SYNE2: variants seen among roughly 807,000 people sequenced by gnomAD.
SYNE2 encodes the protein nesprin-2.
In SYNE2, 431 loss-of-function variants were observed where a neutral mutation model predicts 856.3. The observed-to-expected ratio is 0.50, with a 90% CI of 0.47 to 0.55. The LOEUF is 0.55. SYNE2 is among the 20% of genes least tolerant of loss of function. The pLI is 0.00. For synonymous variants in SYNE2, 2,923 were observed against 2,872.3 expected, an observed-to-expected ratio of 1.02 and a Z score of -0.56; for missense variants, 8,129 against 8,023.2, an observed-to-expected ratio of 1.01 and a Z score of -0.50.
intron 71 of SYNE2, among the ~76,000 whole-genome samples, chr14:64,125,921 C>T (rs1305167621): frequency 6.6e-6 from 1 of 152,214 alleles, no homozygotes; most frequent in Non-Finnish European, 1.5e-5. Context: ...TCTTTTGTGA[C>T]TTCTTTTCCT....
chr14:63,778,964 A>T (rs1246588108), intron 1 of SYNE2, among the ~76,000 whole-genome samples: 1 of 152,026 alleles, frequency 6.6e-6, no homozygotes, highest in Non-Finnish European at 1.5e-5. Flanking sequence ...CCAGCCTATA[A>T]GCACATACAA....
intron 1 of SYNE2, among the ~76,000 whole-genome samples, chr14:63,885,045 G>C (rs1252563603): frequency 6.6e-6 from 1 of 152,102 alleles, no homozygotes; most frequent in Non-Finnish European, 1.5e-5. Context: ...AGAAAGACTC[G>C]GTGCCCAGCC....
chr14:64,135,184 T>C (rs143640537), intron 78 of SYNE2, among the ~76,000 whole-genome samples: 24 of 152,338 alleles, frequency 1.6e-4, no homozygotes, highest in African/African-American at 5.3e-4. Context: ...TTAAAATTCC[T>C]AGTTTTAACT....
At chr14:63,932,977 A>G (rs75289674) in intron 2 of SYNE2, among the ~76,000 whole-genome samples, 1,712 of 152,356 alleles carry the variant, frequency 0.011, 30 homozygotes, top group African/African-American at 0.039. Flanking sequence ...TGTTAGGCTA[A>G]GAATTGATCA....
Position 64,221,594 on chromosome 14 carries a change from C to G in SYNE2, c.20080C>G (p.Gln6694Glu). 2 of 1,614,156 alleles carry G rather than the reference C, an allele frequency of 1.2e-6. No homozygotes were observed. Among genetic ancestry groups the G allele is most frequent in the Middle Eastern group, 1.6e-4 (1 of 6,062 alleles). The change falls in exon 112 of 116, where the codon CAA (glutamine) becomes GAA (glutamate). Residue 6694 changes from glutamine to glutamate, a missense_variant. Gln to Glu is a conservative substitution (Grantham distance 29, BLOSUM62 2). Transcript: ENST00000555002. ...MQCQDFHQLSQNLLLWLASAK... is the reference protein window; with the variant it reads ...MQCQDFHQLSENLLLWLASAK... ...TTTTAAGGACTTCCACCAGTTGAGT[C>G]AAAATCTGCTGCTGTGGTTAGCGAG...
chr14:63,990,487 A>T lies in SYNE2; in HGVS notation c.2390A>T (p.Asn797Ile). ...SEDMLQMDIQ[N>I]ISSQESFQHV... Reference sequence around the variant, plus strand: ...GATATGTTACAAATGGATATACAAAATATTTCAAGCCAGGAGTCCTTTCAA... The same window carrying T: ...GATATGTTACAAATGGATATACAAATTATTTCAAGCCAGGAGTCCTTTCAA... The change falls in exon 20 of 116, where the codon AAT becomes ATT. Residue 797 changes from asparagine to isoleucine, a missense_variant. Transcript: ENST00000555002. The T allele has an allele frequency of 6.2e-7, 1 of 1,613,924 alleles. No individual in the cohort carries two copies. The highest frequency in any genetic ancestry group is 8.5e-7 in the Non-Finnish European group (1 of 1,179,952).
At chr14:64,140,300 T>TG (rs1364588772) in intron 80 of SYNE2, among the ~76,000 whole-genome samples, 1 of 152,244 alleles carries the variant, frequency 6.6e-6, no homozygotes, top group Non-Finnish European at 1.5e-5. Flanking sequence ...ATTTAAAACT[T>TG]GCGCCAGGTG....
chr14:63,921,710 T>C (rs1212963030), intron 2 of SYNE2, among the ~76,000 whole-genome samples: 5 of 152,136 alleles, frequency 3.3e-5, no homozygotes, highest in African/African-American at 9.7e-5. Context: ...ATAAGTGGCC[T>C]AGGTGAGAAT....
chr14:64,146,148 A>G lies in SYNE2; in HGVS notation c.15564A>G (p.Ala5188=), dbSNP rs1456756398. The change falls in exon 84 of 116, where the codon GCA becomes GCG. Residue 5188 remains alanine, a synonymous_variant. Transcript: ENST00000555002. The part of the protein sequence containing the change: ...KIQILNNWLE[A]QEERLKTLQK... ...AGATCTTGAACAACTGGCTGGAAGC[A>G]CAAGAAGAGAGACTGAAAACTTTAC... 6.2e-7 allele frequency: 1 copy of G among 1,612,466 alleles called. No homozygotes were observed. The highest frequency in any genetic ancestry group is 1.7e-5 in the Admixed American group (1 of 59,662).
chr14:63,882,976 A>G (rs1483632689), intron 1 of SYNE2, among the ~76,000 whole-genome samples: 2 of 145,084 alleles, frequency 1.4e-5, no homozygotes, highest in African/African-American at 5.0e-5. Context: ...TGCTTAGTGC[A>G]TAGTAAGCAC....
intron 57 of SYNE2, among the ~76,000 whole-genome samples, chr14:64,086,691 A>G (rs1012741354): frequency 1.0e-4 from 14 of 135,656 alleles, no homozygotes; most frequent in African/African-American, 3.5e-4. Context: ...TGTGATTTTC[A>G]GTATGCAGGT....
chr14:64,162,323 A>C (rs1475640716), intron 88 of SYNE2, 47 bp downstream of exon 88: 1 of 1,583,616 alleles, frequency 6.3e-7, no homozygotes, highest in Non-Finnish European at 8.7e-7. Context: ...TCAGCCCAAC[A>C]GATGGGGTAA....
rs2095903460 is a variant in SYNE2, at chr14:63,940,789, G to A, written c.141+114G>A. 4.5e-6 allele frequency: 4 copies of A among 890,438 alleles called. No individual in the cohort carries two copies. The Admixed American group carries it at 6.5e-5, about 14-fold the overall frequency. The allele number at this position is 890,438 out of a possible 1,614,324, so 55.2% of individuals were successfully genotyped here. On this transcript the variant is annotated intron_variant, in intron 3 of 115. Transcript: ENST00000555002. ...ATGGTACTGGTGATGACAGGGAAAAGGTTGTGGAATGTCTTTTCTTGAAAG... is the reference window on the plus strand; with the variant it reads ...ATGGTACTGGTGATGACAGGGAAAAAGTTGTGGAATGTCTTTTCTTGAAAG...
chr14:64,060,384 T>A (rs1216329170), intron 49 of SYNE2, among the ~76,000 whole-genome samples: 3 of 152,032 alleles, frequency 2.0e-5, no homozygotes, highest in Non-Finnish European at 4.4e-5. Flanking sequence ...CAGGGCTGGG[T>A]CCTTCCCTTC....
intron 96 of SYNE2, among the ~76,000 whole-genome samples, chr14:64,184,034 GAC>G (rs1242551002): frequency 1.3e-5 from 2 of 152,030 alleles, no homozygotes; most frequent in Non-Finnish European, 2.9e-5. Context: ...CATGATTGTT[GAC>G]ATTTTTATAC....
intron 111 of SYNE2, 95 bp from the exon 112 acceptor site, chr14:64,221,481 G>GA: frequency 6.2e-7 from 1 of 1,611,862 alleles, no homozygotes; most frequent in Non-Finnish European, 8.5e-7. Flanking sequence ...AAAAGCAAAT[G>GA]ACTGTGATGG....
intron 47 of SYNE2, among the ~76,000 whole-genome samples, chr14:64,050,121 G>A (rs1261571406): frequency 1.3e-5 from 2 of 152,196 alleles, no homozygotes; most frequent in African/African-American, 2.4e-5. Context: ...GGAAGTCCAA[G>A]ATCAAGGCAG....
chr14:63,861,843 A>T (rs148760461), intron 1 of SYNE2, among the ~76,000 whole-genome samples: 3 of 152,244 alleles, frequency 2.0e-5, no homozygotes. Context: ...AACAAATTCA[A>T]AATGATACAG....
chr14:64,209,978 C>T lies in SYNE2; in HGVS notation c.18577C>T (p.Leu6193=). ...GCAGATTCATGAGCGGCTCACTCAG[C>T]TGGAGCTCATCAACAAGCAGTACCG... ...QRQIHERLTQ[L]ELINKQYRRL... is the part of the protein sequence containing the mutation. Residue 6193 remains leucine, a synonymous_variant, in exon 103 of 116, where the codon CTG becomes TTG. Transcript: ENST00000555002. The T allele has an allele frequency of 6.2e-7, 1 of 1,614,130 alleles. No homozygotes were observed. Among genetic ancestry groups the T allele is most frequent in the South Asian group, 1.1e-5 (1 of 91,084 alleles).
Sources: allele counts gnomAD v4.1 joint callset (sites outside exome capture counted in the v4.1 genomes callset), GRCh38; gene constraint gnomAD v4.1.1; transcripts MANE v1.5; gene names NCBI Gene and HGNC (gene_info 2026-07-23, HGNC 2026-07-21).